Variants in TAF4 observed in about 807,000 individuals in gnomAD.
TAF4 encodes the protein transcription initiation factor TFIID subunit 4.
A neutral mutation model predicts 90.3 loss-of-function variants in TAF4; 9 were observed. That is an observed-to-expected ratio of 0.10 (90% CI 0.06 to 0.17). The LOEUF (loss-of-function observed/expected upper bound fraction) is 0.17. TAF4 is among the 10% of genes least tolerant of loss of function. The pLI, the probability that TAF4 is intolerant of heterozygous loss-of-function variation, is 1.00. For missense variants in TAF4, 1,351 were observed against 1,370.7 expected (o/e 0.99, Z 0.23); for synonymous variants, 818 against 638.9 (o/e 1.28, Z -4.23).
In TAF4 at chr20:62,063,085, T is replaced by C. The variant is rs139756941; in HGVS notation, c.1360+1366A>G. On this transcript the variant is annotated intron_variant, in intron 1 of 14. Transcript: ENST00000252996. ...CAAAACACCCCTACAAACGCTTCAG[T>C]ACCCCAAAAGCTTGTCGTAAAGGGC... 4.6e-5 allele frequency among the ~76,000 whole-genome samples: 7 copies of C among 152,274 alleles called. No homozygotes were observed. In the East Asian group the frequency reaches 1.2e-3, roughly 25 times the overall value.
At chr20:62,035,281 G>A (rs375192203) in intron 1 of TAF4, among the ~76,000 whole-genome samples, 15 of 152,316 alleles carry the variant, frequency 9.8e-5, no homozygotes, top group Non-Finnish European at 1.6e-4. Context: ...CAACAGAATG[G>A]AGTATTACCT....
chr20:62,064,722 GGCCGCCAGGGTCTGC>G lies in TAF4; in HGVS notation c.1074_1088del (p.Gln359_Ala363del), dbSNP rs780115869. Reference sequence around the variant, plus strand: ...TGGCCGCCGTGCTGGCCGGGCCGCTGGCCGCCAGGGTCTGCGCCGCCGGGGGCGCCGCCTGCACCA... The same window carrying G: ...TGGCCGCCGTGCTGGCCGGGCCGCTGGCCGCCGGGGGCGCCGCCTGCACCA... On this transcript the variant is annotated inframe_deletion, in exon 1 of 15. Transcript: ENST00000252996. The G allele has an allele frequency of 8.2e-7, 1 of 1,224,962 alleles. No individual in the cohort carries two copies. The highest frequency in any genetic ancestry group is 1.0e-6 in the Non-Finnish European group (1 of 985,282). The allele number at this position is 1,224,962 out of a possible 1,614,324, so 75.9% of individuals were successfully genotyped here.
chr20:61,981,536 T>G (rs1291217305), intron 14 of TAF4: 1 of 151,684 alleles, frequency 6.6e-6, no homozygotes, highest in Admixed American at 6.6e-5. Flanking sequence ...ATCTCAGAAA[T>G]GAATAAACTG....
intron 1 of TAF4, among the ~76,000 whole-genome samples, chr20:62,034,615 C>A (rs2055922087): frequency 6.6e-6 from 1 of 151,974 alleles, no homozygotes; most frequent in Non-Finnish European, 1.5e-5. Context: ...CAGGCATGAG[C>A]CATCATTCCC....
chr20:62,002,221 T>C (rs28382095), intron 9 of TAF4, among the ~76,000 whole-genome samples: 189 of 152,296 alleles, frequency 1.2e-3, no homozygotes, highest in African/African-American at 4.3e-3. Flanking sequence ...GGCCCAGGCA[T>C]GCTGGCCACC....
chr20:61,979,677 G>A (rs889793767), intron 14 of TAF4, among the ~76,000 whole-genome samples: 1 of 149,024 alleles, frequency 6.7e-6, no homozygotes, highest in Admixed American at 6.6e-5. Context: ...GAGGGACTGC[G>A]GCCCGTGCAG....
intron 1 of TAF4, among the ~76,000 whole-genome samples, chr20:62,023,534 G>A (rs116529545): frequency 0.016 from 2,485 of 152,012 alleles, 67 homozygotes; most frequent in African/African-American, 0.052. Context: ...GACTGCTTGG[G>A]CTCAGGAGTT....
rs773943691 is a variant in TAF4, at chr20:61,999,112, T to C, written c.2788-4A>G. On this transcript the variant is annotated splice_region_variant and splice_polypyrimidine_tract_variant and intron_variant, in intron 11 of 14. Coordinates refer to ENST00000252996, the MANE Select transcript of TAF4 (RefSeq NM_003185.4). The stretch of plus-strand genomic sequence containing the variant: ...CCTGCTCATATCTGTCGTCATCCTA[T>C]GAAGAAAGTTAAAATACTGCTTGTC... The C allele has an allele frequency of 3.1e-6, 5 of 1,613,732 alleles. No homozygotes were observed. The highest frequency in any genetic ancestry group is 4.2e-6 in the Non-Finnish European group (5 of 1,179,970).
At position 62,000,613 on chromosome 20, in the gene TAF4, C is replaced by T. The variant is rs200025111; in HGVS notation, c.2595G>A (p.Arg865=). The part of the protein sequence containing the change: ...TNSELVGTLT[R]SCKDETFLLQ... ...GGAGGAAGGTTTCATCTTTACAGGACCGCGTTAGCGTGCCCACCAATTCAG... is the reference window on the plus strand; with the variant it reads ...GGAGGAAGGTTTCATCTTTACAGGATCGCGTTAGCGTGCCCACCAATTCAG... Residue 865 remains arginine, a synonymous_variant, in exon 10 of 15, where the codon CGG becomes CGA. Transcript: ENST00000252996. The T allele has an allele frequency of 3.7e-6, 6 of 1,614,274 alleles. No homozygotes were observed. The highest frequency in any genetic ancestry group is 1.7e-5 in the Admixed American group (1 of 60,032).
At chr20:61,984,201 G>A (rs2055568275) in intron 14 of TAF4, among the ~76,000 whole-genome samples, 1 of 152,054 alleles carries the variant, frequency 6.6e-6, no homozygotes, top group African/African-American at 2.4e-5. Flanking sequence ...TCAGCCCTAC[G>A]CACCCACAGC....
At chr20:62,016,607 C>G (rs529258714) in intron 1 of TAF4, among the ~76,000 whole-genome samples, 2 of 152,208 alleles carry the variant, frequency 1.3e-5, no homozygotes, top group African/African-American at 2.4e-5. Flanking sequence ...GCTGCACTGT[C>G]GGCTTCCCTA....
At chr20:62,000,828 A>G in intron 9 of TAF4, 107 bp from the exon 10 acceptor site, 1 of 1,239,946 alleles carries the variant, frequency 8.1e-7, no homozygotes, top group Non-Finnish European at 1.1e-6. Flanking sequence ...GGCCGTGAGG[A>G]GGCCAGGCCT....
At chr20:62,001,682 C>T (rs142514404) in intron 9 of TAF4, among the ~76,000 whole-genome samples, 2 of 152,240 alleles carry the variant, frequency 1.3e-5, no homozygotes, top group East Asian at 3.9e-4. Context: ...TGGTCACGGG[C>T]TGTGGCTGGG....
intron 1 of TAF4, among the ~76,000 whole-genome samples, chr20:62,018,172 G>T (rs1262075394): frequency 6.6e-6 from 1 of 152,202 alleles, no homozygotes; most frequent in Non-Finnish European, 1.5e-5. Flanking sequence ...ACTGAGGTTT[G>T]CTTCCAACAA....
intron 8 of TAF4, 57 bp downstream of exon 8, chr20:62,003,674 G>T: frequency 6.7e-7 from 1 of 1,499,066 alleles, no homozygotes; most frequent in Non-Finnish European, 8.8e-7. Flanking sequence ...CCCAATGGCA[G>T]CTGGCTCTGG....
intron 1 of TAF4, among the ~76,000 whole-genome samples, chr20:62,036,468 T>A (rs773139702): frequency 6.6e-6 from 1 of 152,204 alleles, no homozygotes; most frequent in Non-Finnish European, 1.5e-5. Context: ...AAGTGAACTG[T>A]TGCAACTAAC....
intron 3 of TAF4, among the ~76,000 whole-genome samples, chr20:62,011,694 C>A (rs1044024149): frequency 2.0e-5 from 3 of 152,144 alleles, no homozygotes; most frequent in East Asian, 1.9e-4. Flanking sequence ...GTCCACACCC[C>A]CTGGGGCTCA....
chr20:62,050,444 G>C (rs920869222), intron 1 of TAF4, among the ~76,000 whole-genome samples: 9 of 152,134 alleles, frequency 5.9e-5, no homozygotes, highest in Admixed American at 1.3e-4. Flanking sequence ...GCCTGCTTGT[G>C]CTTGTACATG....
chr20:61,989,514 G>A (rs914451390), intron 14 of TAF4, among the ~76,000 whole-genome samples: 3 of 146,698 alleles, frequency 2.0e-5, no homozygotes, highest in Non-Finnish European at 4.5e-5. Flanking sequence ...AGGGATCCCG[G>A]CACCCACAGC....
Sources: allele counts gnomAD v4.1 joint callset (sites outside exome capture counted in the v4.1 genomes callset), GRCh38; gene constraint gnomAD v4.1.1; transcripts MANE v1.5; gene names NCBI Gene and HGNC (gene_info 2026-07-23, HGNC 2026-07-21).